Variants in RBM28 observed in about 807,000 individuals in gnomAD.
RBM28 encodes the protein RNA binding motif protein 28.
RBM28 carries 78 observed loss-of-function variants against 98.3 expected under a neutral mutation model. The ratio of observed to expected loss-of-function variants is 0.79; its 90% CI spans 0.66 to 0.96. The LOEUF is 0.96. RBM28 is among the 40% of genes least tolerant of loss of function. RBM28 has a pLI of 0.00. For missense variants in RBM28, 838 were observed against 913.0 expected, an observed-to-expected ratio of 0.92 and a Z score of 1.06; for synonymous variants, 306 against 330.9, an observed-to-expected ratio of 0.92 and a Z score of 0.82.
At chr7:128,321,578 G>A (rs1796235723) in intron 13 of RBM28, among the ~76,000 whole-genome samples, 154 bp from the exon 14 acceptor site, 2 of 152,184 alleles carry the variant, frequency 1.3e-5, no homozygotes, top group African/African-American at 4.8e-5. Flanking sequence ...ACAATGCCTA[G>A]TATAGGGAAA....
At position 128,298,060 on chromosome 7, in the gene RBM28, C is replaced by T. The variant is rs920851981; in HGVS notation, c.*12737G>A. The stretch of plus-strand genomic sequence containing the variant: ...CTAGATGACGAGTTAGTGGGTGCAG[C>T]GACCAGCATGTCACATGTATACATA... On this transcript the variant is annotated 3_prime_UTR_variant, in exon 19 of 19. Coordinates refer to ENST00000223073, the MANE Select transcript of RBM28 (RefSeq NM_018077.3). 9.1e-4 allele frequency: 26 copies of T among 28,544 alleles called. No homozygotes were observed. The highest frequency in any genetic ancestry group is 0.5 in the East Asian group (1 of 2). 1.8% of individuals were successfully genotyped at this position (28,544 alleles called of 1,614,324 possible). A position where few individuals can be genotyped will look rare whatever the true frequency, so the allele number is the denominator to read the frequency against.
chr7:128,337,110 C>T, intron 6 of RBM28, 21 bp downstream of exon 6: 1 of 1,612,714 alleles, frequency 6.2e-7, no homozygotes, highest in Non-Finnish European at 8.5e-7. Flanking sequence ...CCCCTACTCA[C>T]CCAACACTAC....
chr7:128,331,969 AG>A (rs768075934), intron 9 of RBM28, among the ~76,000 whole-genome samples: 10 of 152,206 alleles, frequency 6.6e-5, no homozygotes, highest in African/African-American at 9.6e-5. Context: ...TATCTAAGAT[AG>A]ACATAGTTTT....
chr7:128,337,033 C>T, intron 6 of RBM28, 98 bp downstream of exon 6: 1 of 1,334,360 alleles, frequency 7.5e-7, no homozygotes, highest in South Asian at 1.2e-5. Context: ...CTGCACCCAG[C>T]CTTTTTCTTA....
intron 18 of RBM28, among the ~76,000 whole-genome samples, chr7:128,311,937 T>C (rs1323645270): frequency 6.6e-6 from 1 of 152,204 alleles, no homozygotes; most frequent in Non-Finnish European, 1.5e-5. Context: ...CTGGTAACAC[T>C]CATCAATAAC....
intron 10 of RBM28, 71 bp from the exon 11 acceptor site, chr7:128,325,962 G>C: frequency 8.3e-7 from 1 of 1,207,930 alleles, no homozygotes; most frequent in Non-Finnish European, 1.2e-6. Context: ...ATTGCAAATG[G>C]CAACAGCCTG....
chr7:128,338,331 G>T lies in RBM28; in HGVS notation c.460C>A (p.Arg154Ser). Residue 154 changes from arginine (R) to serine (S), a missense_variant, in exon 5 of 19, where the codon CGC becomes AGC. Physicochemically the swap from Arg to Ser is moderately radical, Grantham distance 110 (BLOSUM62 -1). Transcript: ENST00000223073. ...TTGAACTGAACAAAACCAAAACCGC[G>T]CATCTTCCCATCTGTGTGCAAATGC... ...NIPRKPDGKM[R>S]GFGFVQFKNL... 1 of 1,613,712 alleles carries T rather than the reference G, an allele frequency of 6.2e-7. No homozygotes were observed.
chr7:128,320,222 AAAAAAAAAAAAAAG>A (rs1294473397), intron 14 of RBM28, among the ~76,000 whole-genome samples: 42 of 109,990 alleles, frequency 3.8e-4, no homozygotes, highest in Non-Finnish European at 5.8e-4. Flanking sequence ...TCTCAAAAAA[AAAAAAAAAAAAAAG>A]AAAGAAAGAA....
intron 1 of RBM28, among the ~76,000 whole-genome samples, chr7:128,341,976 G>A (rs1223523144): frequency 6.6e-6 from 1 of 152,128 alleles, no homozygotes. Context: ...GGACAACGTA[G>A]TGAGACCCTG....
intron 14 of RBM28, 73 bp downstream of exon 14, chr7:128,321,193 C>A (rs1438732406): frequency 3.1e-6 from 5 of 1,591,338 alleles, no homozygotes; most frequent in African/African-American, 1.3e-5. Context: ...TCTGGCACCA[C>A]AGCCTGAGGG....
rs1184035696 is a variant in RBM28, at chr7:128,338,762, C to A, written c.412G>T (p.Gly138Ter). Residue 138 changes from glycine to a stop codon, truncating the protein, a stop_gained, in exon 4 of 19, where the codon GGA becomes TGA. Transcript: ENST00000223073. LOFTEE classifies it high-confidence loss of function. ...GGGATATTTACTTCCAGGACAGCTC[C>A]AAATTGAGCAAATACTGTCTTCAAG... ...DDLKTVFAQF[G>*]AVLEVNIPRK... 6.2e-7 allele frequency: 1 copy of A among 1,611,628 alleles called. No homozygotes were observed. Among genetic ancestry groups the A allele is most frequent in the Non-Finnish European group, 8.5e-7 (1 of 1,177,822 alleles).
intron 10 of RBM28, among the ~76,000 whole-genome samples, chr7:128,328,080 C>G (rs1796393556): frequency 6.6e-6 from 1 of 152,094 alleles, no homozygotes; most frequent in African/African-American, 2.4e-5. Flanking sequence ...CCACTCACAT[C>G]TTTATTATAG....
intron 8 of RBM28, among the ~76,000 whole-genome samples, chr7:128,333,704 G>A (rs1169458208): frequency 1.3e-5 from 2 of 152,100 alleles, no homozygotes; most frequent in Admixed American, 1.3e-4. Context: ...GGTGACAAGA[G>A]CGAAACAAAG....
Position 128,343,809 on chromosome 7 carries a change from A to T in RBM28, c.-16T>A. On this transcript the variant is annotated 5_prime_UTR_variant, in exon 1 of 19. Transcript: ENST00000223073. ...GGCCGGCCATGAGACCGGGAAACCCAAAGCGCGTGAGGACGCGAGCAAACT... is the reference window on the plus strand; with the variant it reads ...GGCCGGCCATGAGACCGGGAAACCCTAAGCGCGTGAGGACGCGAGCAAACT... 1 of 1,566,576 alleles carries T rather than the reference A, an allele frequency of 6.4e-7. No homozygotes were observed. The highest frequency in any genetic ancestry group is 1.7e-4 in the Middle Eastern group (1 of 5,782).
At chr7:128,328,299 G>A (rs1796397723) in intron 10 of RBM28, among the ~76,000 whole-genome samples, 1 of 152,150 alleles carries the variant, frequency 6.6e-6, no homozygotes, top group South Asian at 2.1e-4. Flanking sequence ...AAGAAAATGG[G>A]TGCTTCTCTC....
rs1262795562 is a variant in RBM28, at chr7:128,305,388, T to C, written c.*5409A>G. Reference sequence around the variant, plus strand: ...GAGTCTCTTTCAGTTGAAAAGTGCATGCAGACAATTGAGTGTCAGATCCAG... The same window carrying C: ...GAGTCTCTTTCAGTTGAAAAGTGCACGCAGACAATTGAGTGTCAGATCCAG... On this transcript the variant is annotated 3_prime_UTR_variant, in exon 19 of 19. Coordinates refer to ENST00000223073, the MANE Select transcript of RBM28 (RefSeq NM_018077.3). 6.6e-6 allele frequency: 1 copy of C among 152,134 alleles called. No individual in the cohort carries two copies. Among genetic ancestry groups the C allele is most frequent in the Admixed American group, 6.5e-5 (1 of 15,270 alleles). 9.4% of individuals were successfully genotyped at this position (152,134 alleles called of 1,614,324 possible). A position where few individuals can be genotyped will look rare whatever the true frequency, so the allele number is the denominator to read the frequency against.
intron 13 of RBM28, among the ~76,000 whole-genome samples, chr7:128,322,556 A>T (rs1796260007): frequency 1.3e-5 from 2 of 152,240 alleles, no homozygotes. Context: ...TAAGTTCAAC[A>T]GACTATTTTT....
intron 18 of RBM28, among the ~76,000 whole-genome samples, chr7:128,312,704 T>G (rs1368031723): frequency 6.6e-6 from 1 of 152,240 alleles, no homozygotes; most frequent in East Asian, 1.9e-4. Context: ...AAAAATTTTT[T>G]TCAGGCAATT....
At chr7:128,331,015 T>C in intron 9 of RBM28, 87 bp from the exon 10 acceptor site, 1 of 892,172 alleles carries the variant, frequency 1.1e-6, no homozygotes, top group South Asian at 1.3e-5. Flanking sequence ...GAGTTAGATA[T>C]CAACTCTCCC....
Sources: gnomAD v4.1 joint callset for allele counts (sites outside exome capture counted in the v4.1 genomes callset) on GRCh38, gnomAD v4.1.1 for gene constraint, MANE v1.5 for transcripts, NCBI Gene and HGNC (gene_info 2026-07-23, HGNC 2026-07-21) for gene names.